EPS15: variants seen among roughly 807,000 people sequenced by gnomAD.
The protein encoded by EPS15 is epidermal growth factor receptor pathway substrate 15.
A neutral mutation model predicts 113.8 loss-of-function variants in EPS15; 72 were observed. That is an observed-to-expected ratio of 0.63 (90% CI 0.52 to 0.77). The LOEUF (loss-of-function observed/expected upper bound fraction) is 0.77. Among genes scored for constraint, EPS15 ranks in the 30% least tolerant of loss-of-function variants. EPS15 has a pLI of 0.00. For synonymous variants in EPS15, 344 were observed against 363.4 expected (o/e 0.95, Z 0.61); for missense variants, 1,048 against 1,045.8 (o/e 1.00, Z -0.03).
chr1:51,371,637 A>C (rs1305922991), intron 21 of EPS15, among the ~76,000 whole-genome samples: 2 of 152,322 alleles, frequency 1.3e-5, no homozygotes, highest in East Asian at 1.9e-4. Context: ...AAGTTCAAAA[A>C]TTTTTTAAAG....
intron 21 of EPS15, among the ~76,000 whole-genome samples, chr1:51,386,618 T>C (rs1015225903): frequency 6.6e-6 from 1 of 151,990 alleles, no homozygotes; most frequent in Non-Finnish European, 1.5e-5. Context: ...CACCAAAAAC[T>C]CATCTGTACA....
At chr1:51,400,428 C>T (rs1360701906) in intron 19 of EPS15, among the ~76,000 whole-genome samples, 2 of 152,130 alleles carry the variant, frequency 1.3e-5, no homozygotes. Context: ...CAGTCGCTCA[C>T]ACCTGTCTGT....
chr1:51,449,377 G>A (rs1653343011), intron 8 of EPS15, among the ~76,000 whole-genome samples: 1 of 152,142 alleles, frequency 6.6e-6, no homozygotes, highest in East Asian at 1.9e-4. Flanking sequence ...TTCTAAGTGG[G>A]AGCTAAACAT....
intron 12 of EPS15, among the ~76,000 whole-genome samples, chr1:51,424,287 A>T (rs1353048479): frequency 6.6e-6 from 1 of 152,208 alleles, no homozygotes; most frequent in East Asian, 1.9e-4. Context: ...GAGATGCTCA[A>T]ATGTTATTCT....
intron 13 of EPS15, among the ~76,000 whole-genome samples, chr1:51,409,936 A>T (rs1649540873): frequency 6.6e-6 from 1 of 151,960 alleles, no homozygotes; most frequent in Admixed American, 6.6e-5. Flanking sequence ...GGGCTTTGCT[A>T]ACATGTTGAA....
intron 12 of EPS15, among the ~76,000 whole-genome samples, chr1:51,435,829 G>A (rs912460960): frequency 3.3e-5 from 5 of 152,142 alleles, no homozygotes; most frequent in Non-Finnish European, 7.4e-5. Context: ...TCTGGAAGAA[G>A]AGGAAAGAAA....
At chr1:51,431,520 A>G (rs1486612842) in intron 12 of EPS15, among the ~76,000 whole-genome samples, 2 of 151,648 alleles carry the variant, frequency 1.3e-5, no homozygotes, top group South Asian at 4.2e-4. Context: ...ATCTTGGCTC[A>G]CTACAACCTC....
intron 3 of EPS15, 84 bp from the exon 4 acceptor site, chr1:51,471,821 C>A: frequency 1.0e-6 from 1 of 970,684 alleles, no homozygotes; most frequent in Non-Finnish European, 1.6e-6. Flanking sequence ...CTATTTACAA[C>A]CTCAGGCTCT....
chr1:51,384,414 C>T (rs1389089029), intron 21 of EPS15, among the ~76,000 whole-genome samples: 1 of 151,274 alleles, frequency 6.6e-6, no homozygotes, highest in African/African-American at 2.4e-5. Context: ...GATCCTCCCA[C>T]CTCAGCTTCC....
intron 1 of EPS15, among the ~76,000 whole-genome samples, chr1:51,503,537 G>C (rs1331523434): frequency 6.6e-6 from 1 of 152,126 alleles, no homozygotes; most frequent in Non-Finnish European, 1.5e-5. Context: ...AGTTACTCAG[G>C]AGGCTGAGGC....
chr1:51,399,824 T>C (rs968113035), intron 19 of EPS15, among the ~76,000 whole-genome samples: 3 of 152,060 alleles, frequency 2.0e-5, no homozygotes, highest in African/African-American at 7.2e-5. Flanking sequence ...ACCGCACTAC[T>C]TGTACTCTAG....
chr1:51,508,338 GAGAAAGAAAGAAAGAAAGAAAGAA>G (rs369528436), intron 1 of EPS15, among the ~76,000 whole-genome samples: 4 of 122,248 alleles, frequency 3.3e-5, no homozygotes, highest in Non-Finnish European at 5.1e-5. Flanking sequence ...AAGAGAAAGA[GAGAAAGAAAGAAAGAAAGAAAGAA>G]AGAAAGAAAG....
chr1:51,439,853 T>C (rs941757253), intron 12 of EPS15, among the ~76,000 whole-genome samples: 1 of 152,056 alleles, frequency 6.6e-6, no homozygotes, highest in Non-Finnish European at 1.5e-5. Flanking sequence ...ATTACAAGGT[T>C]TGTGTGAGGG....
intron 2 of EPS15, among the ~76,000 whole-genome samples, chr1:51,478,290 T>C (rs1205068956): frequency 1.3e-5 from 2 of 152,256 alleles, no homozygotes; most frequent in Admixed American, 1.3e-4. Context: ...TGCTTTTTTT[T>C]TGTTTTCCAT....
At chr1:51,384,622 G>A (rs1251445912) in intron 21 of EPS15, among the ~76,000 whole-genome samples, 1 of 151,996 alleles carries the variant, frequency 6.6e-6, no homozygotes, top group Non-Finnish European at 1.5e-5. Flanking sequence ...ACATGCATGA[G>A]CCACTGTGCC....
Position 51,394,363 on chromosome 1 carries a change from G to A in EPS15, c.2119+18C>T. 6.5e-7 allele frequency: 1 copy of A among 1,531,696 alleles called. No individual in the cohort carries two copies. Among genetic ancestry groups the A allele is most frequent in the Non-Finnish European group, 8.9e-7 (1 of 1,118,626 alleles). 94.9% of individuals were successfully genotyped at this position (1,531,696 alleles called of 1,614,324 possible). A position where few individuals can be genotyped will look rare whatever the true frequency, so the allele number is the denominator to read the frequency against. On this transcript the variant is annotated intron_variant, in intron 21 of 24. Transcript: ENST00000371733. The stretch of plus-strand genomic sequence containing the variant: ...AAAATGTTTAATGTTCAATGAAGTT[G>A]ATAAATTATTTATTTACCTGAATCG...
intron 10 of EPS15, among the ~76,000 whole-genome samples, chr1:51,446,400 T>C (rs1653048599): frequency 6.6e-6 from 1 of 151,968 alleles, no homozygotes; most frequent in Non-Finnish European, 1.5e-5. Context: ...TTAATTGATA[T>C]AAACAGAAGC....
At position 51,364,019 on chromosome 1, in the gene EPS15, C is replaced by G. The variant is rs750872131; in HGVS notation, c.2206G>C (p.Glu736Gln). ...GATGTGGCTGAACGAAAAGGATCTT[C>G]ATTGTTGACCTTTGTTTAAAAAGAA... ...DFSTLSKVNNEDPFRSATSSS... is the reference protein window; with the variant it reads ...DFSTLSKVNNQDPFRSATSSS... The change falls in exon 23 of 25, where the codon GAA becomes CAA. Residue 736 changes from glutamate (E) to glutamine (Q), a missense_variant. Glu to Gln is a conservative substitution (Grantham distance 29, BLOSUM62 2). Transcript: ENST00000371733. 51 of 1,610,006 alleles carry G rather than the reference C, an allele frequency of 3.2e-5. No homozygotes were observed. Among genetic ancestry groups the G allele is most frequent in the Non-Finnish European group, 4.3e-5 (51 of 1,177,828 alleles).
chr1:51,491,855 T>C (rs1644239019), intron 1 of EPS15, among the ~76,000 whole-genome samples: 1 of 139,524 alleles, frequency 7.2e-6, no homozygotes. Context: ...TCCCAACTCA[T>C]TTAATTTTTT....
Sources: gnomAD v4.1 joint callset for allele counts (sites outside exome capture counted in the v4.1 genomes callset) on GRCh38, gnomAD v4.1.1 for gene constraint, MANE v1.5 for transcripts, NCBI Gene and HGNC (gene_info 2026-07-23, HGNC 2026-07-21) for gene names.